MORN1: variants seen among roughly 807,000 people sequenced by gnomAD.
MORN1 encodes MORN repeat-containing protein 1.
MORN1 carries 67 observed loss-of-function variants against 61.9 expected under a neutral mutation model. The ratio of observed to expected loss-of-function variants is 1.08; its 90% confidence interval spans 0.89 to 1.33. MORN1 has a LOEUF of 1.33. Ranked by LOEUF, MORN1 falls within the 40% of genes most tolerant of loss-of-function variation. The pLI is 0.00. For missense variants in MORN1, 752 were observed against 691.2 expected (o/e 1.09, Z -0.99); for synonymous variants, 301 against 292.0 (o/e 1.03, Z -0.31).
intron 10 of MORN1, among the ~76,000 whole-genome samples, chr1:2,338,036 A>C (rs565861971): frequency 1.3e-5 from 2 of 152,236 alleles, no homozygotes; most frequent in South Asian, 4.1e-4. Context: ...GCCAGAGCCC[A>C]GGAGGCGGGA....
Position 2,321,449 on chromosome 1 carries a change from G to A in MORN1, c.1428C>T (p.Gly476=). Residue 476 remains glycine (G), a synonymous_variant, in exon 14 of 14, where the codon GGC becomes GGT. Transcript: ENST00000378531. ...AGQPPHVLEE[G]PEASSSWQAA... ...CCTGCCAGCTGCTTGAGGCTTCAGG[G>A]CCTTCTTCCAGGACATGGGGTGGCT... 1 of 1,541,404 alleles carries A rather than the reference G, an allele frequency of 6.5e-7. No individual in the cohort carries two copies. Among genetic ancestry groups the A allele is most frequent in the Non-Finnish European group, 8.8e-7 (1 of 1,142,752 alleles).
At position 2,385,034 on chromosome 1, in the gene MORN1, G is replaced by A. The variant is rs777188997; in HGVS notation, c.481C>T (p.Arg161Trp). The A allele has an allele frequency of 2.0e-4, 320 of 1,599,236 alleles. 2 individuals carry two copies. The East Asian group carries it at 6.2e-3, about 31-fold the overall frequency. ...NGDKYDGDWV[R>W]DRRQGHGVLR... ...ACCCCGTGTCCCTGACGCCGGTCCCGGACCCAGTCGCCGTCGTACTTGTCA... is the reference window on the plus strand; with the variant it reads ...ACCCCGTGTCCCTGACGCCGGTCCCAGACCCAGTCGCCGTCGTACTTGTCA... The change falls in exon 6 of 14, where the codon CGG (arginine) becomes TGG (tryptophan). Residue 161 changes from arginine to tryptophan, a missense_variant. By Grantham distance (101) the Arg-to-Trp change is moderately radical. Coordinates refer to ENST00000378531, the MANE Select transcript of MORN1 (RefSeq NM_024848.3).
At chr1:2,336,238 G>A (rs1027420475) in intron 12 of MORN1, among the ~76,000 whole-genome samples, 2 of 152,118 alleles carry the variant, frequency 1.3e-5, no homozygotes, top group South Asian at 2.1e-4. Flanking sequence ...CAGATGGACC[G>A]GCTCCAGCTC....
At chr1:2,383,863 C>T (rs558682342) in intron 6 of MORN1, among the ~76,000 whole-genome samples, 3 of 152,264 alleles carry the variant, frequency 2.0e-5, no homozygotes, top group South Asian at 4.2e-4. Flanking sequence ...TGAAGCACCC[C>T]CACACTGTGG....
At chr1:2,381,416 G>C (rs1642369332) in intron 6 of MORN1, among the ~76,000 whole-genome samples, 1 of 152,206 alleles carries the variant, frequency 6.6e-6, no homozygotes, top group Non-Finnish European at 1.5e-5. Context: ...GGGGACTGCT[G>C]CCACCAGTGA....
chr1:2,373,503 G>A (rs1642167098), intron 7 of MORN1, among the ~76,000 whole-genome samples: 2 of 152,174 alleles, frequency 1.3e-5, no homozygotes, highest in Admixed American at 6.5e-5. Context: ...TTTGGGAGGA[G>A]GGGCTGGGAT....
intron 8 of MORN1, among the ~76,000 whole-genome samples, chr1:2,368,917 C>T (rs529990348): frequency 8.5e-4 from 129 of 151,886 alleles, no homozygotes; most frequent in African/African-American, 2.9e-3. Flanking sequence ...ATTAGCTGGG[C>T]GTGGTGGTGG....
chr1:2,356,861 G>A (rs568886339), intron 10 of MORN1, among the ~76,000 whole-genome samples: 14 of 152,310 alleles, frequency 9.2e-5, no homozygotes, highest in Admixed American at 2.6e-4. Flanking sequence ...AGTCTAGGCC[G>A]CACATTCTAT....
chr1:2,335,542 C>T (rs550468999), intron 12 of MORN1, among the ~76,000 whole-genome samples: 139 of 152,274 alleles, frequency 9.1e-4, no homozygotes, highest in African/African-American at 3.2e-3. Flanking sequence ...CCAAGGCCCC[C>T]GGTGCCACCC....
intron 13 of MORN1, chr1:2,323,627 C>T (rs963770958): frequency 3.3e-5 from 33 of 985,130 alleles, no homozygotes; most frequent in Admixed American, 3.1e-4. Flanking sequence ...TCCAGGCCCT[C>T]GCTGCACCCC....
chr1:2,331,853 CCCCT>C (rs1641158579), intron 12 of MORN1, among the ~76,000 whole-genome samples: 1 of 132,786 alleles, frequency 7.5e-6, no homozygotes. Context: ...GGCTCTCCCG[CCCCT>C]GCGCCTCTCC....
At chr1:2,335,200 C>T (rs749743353) in intron 12 of MORN1, among the ~76,000 whole-genome samples, 20 of 152,384 alleles carry the variant, frequency 1.3e-4, no homozygotes, top group South Asian at 4.1e-4. Context: ...GCGTTCCCCA[C>T]GAGGGGCCTC....
intron 8 of MORN1, chr1:2,371,908 C>G (rs1359095155): frequency 9.3e-6 from 1 of 107,682 alleles, no homozygotes; most frequent in Admixed American, 1.0e-4. Context: ...AACTCCATCT[C>G]AAAAAAAAAA....
chr1:2,387,965 A>G (rs1287295412), intron 3 of MORN1: 4 of 470,470 alleles, frequency 8.5e-6, no homozygotes, highest in Non-Finnish European at 1.5e-5. Flanking sequence ...CTAGGGATAC[A>G]ATGTGGCTGA....
At chr1:2,367,414 G>A (rs959773466) in intron 8 of MORN1, among the ~76,000 whole-genome samples, 12 of 150,764 alleles carry the variant, frequency 8.0e-5, no homozygotes, top group African/African-American at 2.9e-4. Flanking sequence ...GAGCCTGGGA[G>A]TTTGAGACCA....
At chr1:2,374,347 C>A (rs1220223361) in intron 7 of MORN1, 114 bp downstream of exon 7, 3 of 829,996 alleles carry the variant, frequency 3.6e-6, no homozygotes, top group African/African-American at 1.7e-5. Flanking sequence ...TTCCACTTTG[C>A]CCCACCCCTC....
chr1:2,348,828 C>T (rs184726588), intron 10 of MORN1, among the ~76,000 whole-genome samples: 8 of 151,884 alleles, frequency 5.3e-5, no homozygotes, highest in East Asian at 1.9e-4. Context: ...CACACACGCA[C>T]GCACACGCAC....
In MORN1 at chr1:2,372,680, C is replaced by T. The variant is rs1182388457; in HGVS notation, c.635-89G>A. The stretch of plus-strand genomic sequence containing the variant: ...GAGTCAGCAGTGGGCACCCCAGGAA[C>T]CGACCAGAGCCCAGTGTGGCAGCTG... On this transcript the variant is annotated intron_variant, in intron 7 of 13. Transcript: ENST00000378531. This position sits in a 1 kb window ranked among gnomAD's most constrained non-coding sequence, Gnocchi z 5.4. 6 of 933,812 alleles carry T rather than the reference C, an allele frequency of 6.4e-6. No individual in the cohort carries two copies. The highest frequency in any genetic ancestry group is 9.8e-6 in the Non-Finnish European group (6 of 612,476). The allele number at this position is 933,812 out of a possible 1,614,324, so 57.8% of individuals were successfully genotyped here.
intron 10 of MORN1, among the ~76,000 whole-genome samples, chr1:2,340,664 C>T (rs1436476468): frequency 6.6e-6 from 1 of 152,230 alleles, no homozygotes; most frequent in Non-Finnish European, 1.5e-5. Context: ...CTCACCGGCT[C>T]CACGTGGCCA....
Sources: gnomAD v4.1 joint callset for allele counts (sites outside exome capture counted in the v4.1 genomes callset) on GRCh38, gnomAD v4.1.1 for gene constraint, Gnocchi (gnomAD v3.1) non-coding constraint, MANE v1.5 for transcripts, NCBI Gene and HGNC (gene_info 2026-07-23, HGNC 2026-07-21) for gene names.